ZNF813: variants seen among roughly 807,000 people sequenced by gnomAD.
ZNF813 encodes zinc finger protein 813.
In ZNF813, 3 loss-of-function variants were observed where a neutral mutation model predicts 7.2. That is an observed-to-expected ratio of 0.42 (90% CI 0.19 to 1.08). The LOEUF is 1.08. Among genes scored for constraint, ZNF813 ranks in the 50% least tolerant of loss-of-function variants. The probability of loss-of-function intolerance (pLI) is 0.30; values close to 1 mark genes in which losing one functional copy is unlikely to be tolerated. For synonymous variants in ZNF813, 227 were observed against 256.3 expected, an observed-to-expected ratio of 0.89 and a Z score of 1.09; for missense variants, 714 against 753.3, an observed-to-expected ratio of 0.95 and a Z score of 0.61.
intron 1 of ZNF813, among the ~76,000 whole-genome samples, chr19:53,476,218 G>A (rs2086381014): frequency 6.6e-6 from 1 of 152,130 alleles, no homozygotes; most frequent in Admixed American, 6.6e-5. Context: ...TGGGTTCCCC[G>A]ATAACAGTCC....
At chr19:53,479,729 G>A in intron 1 of ZNF813, 1 of 1,204,722 alleles carries the variant, frequency 8.3e-7, no homozygotes, top group Non-Finnish European at 1.2e-6. Context: ...GTATGAAGAG[G>A]TGGCTCGTAA....
rs1265454980 is a variant in ZNF813, at chr19:53,491,344, C to G, written c.1112C>G (p.Thr371Arg). The G allele has an allele frequency of 6.2e-7, 1 of 1,612,566 alleles. No individual in the cohort carries two copies. Among genetic ancestry groups the G allele is most frequent in the African/African-American group, 1.3e-5 (1 of 74,660 alleles). The change falls in exon 4 of 4, where the codon ACA becomes AGA. Residue 371 changes from threonine to arginine, a missense_variant. Thr to Arg is a moderately conservative substitution (Grantham distance 71). Transcript: ENST00000396403. ...GKTFSRKSSL[T>R]CHHRLHTGEK... ...ACCTTTAGTCGGAAGTCATCCCTTA[C>G]ATGCCATCATAGACTTCATACGGGA...
chr19:53,480,740 G>A (rs2086404183), intron 1 of ZNF813, among the ~76,000 whole-genome samples: 1 of 152,200 alleles, frequency 6.6e-6, no homozygotes. Context: ...ATCTTGAGCT[G>A]TGAGCTATTA....
At chr19:53,476,551 C>T (rs1332793673) in intron 1 of ZNF813, among the ~76,000 whole-genome samples, 1 of 151,612 alleles carries the variant, frequency 6.6e-6, no homozygotes, top group Non-Finnish European at 1.5e-5. Flanking sequence ...ATTGCTTGAA[C>T]CCGGGGGGCA....
chr19:53,491,573 G>A lies in ZNF813; in HGVS notation c.1341G>A (p.Thr447=), dbSNP rs754687923. 14 of 1,611,726 alleles carry A rather than the reference G, an allele frequency of 8.7e-6. No homozygotes were observed. Among genetic ancestry groups the A allele is most frequent in the South Asian group, 3.3e-5 (3 of 90,934 alleles). The part of the protein sequence containing the change: ...KPYKCTECVK[T]FSRNSALVIH... ...ACAAGTGTACTGAGTGTGTCAAGAC[G>A]TTCAGTCGAAATTCAGCCCTTGTAA... is the stretch of plus-strand genomic sequence containing the variant. Residue 447 remains threonine, a synonymous_variant, in exon 4 of 4, where the codon ACG becomes ACA. Transcript: ENST00000396403.
At chr19:53,476,953 C>T (rs764629857) in intron 1 of ZNF813, among the ~76,000 whole-genome samples, 9 of 152,104 alleles carry the variant, frequency 5.9e-5, no homozygotes, top group African/African-American at 1.4e-4. Flanking sequence ...TAAGCCACCG[C>T]GCCTGGCTGT....
intron 3 of ZNF813, among the ~76,000 whole-genome samples, chr19:53,487,904 A>G (rs2086441621): frequency 6.6e-6 from 1 of 151,962 alleles, no homozygotes; most frequent in African/African-American, 2.4e-5. Context: ...TCATCAACAT[A>G]TATGTATATT....
chr19:53,483,874 T>G, intron 2 of ZNF813, 37 bp downstream of exon 2: 1 of 1,613,928 alleles, frequency 6.2e-7, no homozygotes, highest in Non-Finnish European at 8.5e-7. Flanking sequence ...TCTGTCTCCT[T>G]CCCCTCAGAA....
Position 53,490,392 on chromosome 19 carries a change from A to C in ZNF813, c.160A>C (p.Met54Leu), listed in dbSNP as rs370790550. 8 of 1,613,942 alleles carry C rather than the reference A, an allele frequency of 5.0e-6. No homozygotes were observed. The highest frequency in any genetic ancestry group is 1.3e-5 in the African/African-American group (1 of 74,930). The change falls in exon 4 of 4, where the codon ATG becomes CTG. Residue 54 changes from methionine to leucine, a missense_variant. By Grantham distance (15) the Met-to-Leu change is conservative. Transcript: ENST00000396403. Reference protein sequence around the residue: ...LVSLDISSKCMMKEFSSTAQG... With the variant: ...LVSLDISSKCLMKEFSSTAQG... ...TTTTGTAGATATCTCTTCCAAATGC[A>C]TGATGAAGGAGTTCTCATCAACAGC...
At chr19:53,484,823 C>T (rs1281272406) in intron 2 of ZNF813, among the ~76,000 whole-genome samples, 1 of 152,254 alleles carries the variant, frequency 6.6e-6, no homozygotes, top group African/African-American at 2.4e-5. Flanking sequence ...ACCTCAGTCT[C>T]CCAGAGTGCT....
At chr19:53,486,230 G>C (rs1408603508) in intron 2 of ZNF813, among the ~76,000 whole-genome samples, 1 of 152,134 alleles carries the variant, frequency 6.6e-6, no homozygotes, top group African/African-American at 2.4e-5. Context: ...GGCTGAGGCA[G>C]GCAGATCACA....
At chr19:53,470,962 C>T (rs2708717) in intron 1 of ZNF813, among the ~76,000 whole-genome samples, 52,601 of 151,866 alleles carry the variant, frequency 0.35, 9,356 homozygotes, top group African/African-American at 0.42. Context: ...CTTTATGATG[C>T]GGTTAAGCAT....
intron 1 of ZNF813, among the ~76,000 whole-genome samples, chr19:53,470,667 G>A (rs13343482): frequency 2.3e-5 from 3 of 131,494 alleles, no homozygotes; most frequent in Non-Finnish European, 3.3e-5. Flanking sequence ...AAAACCAGCC[G>A]CTAAAGAGGG....
chr19:53,470,868 A>G (rs2086355273), intron 1 of ZNF813, among the ~76,000 whole-genome samples: 1 of 151,962 alleles, frequency 6.6e-6, no homozygotes, highest in Non-Finnish European at 1.5e-5. Context: ...GGTAGATGGC[A>G]TTTCTCATTT....
chr19:53,489,129 T>C (rs2086447649), intron 3 of ZNF813, among the ~76,000 whole-genome samples: 1 of 151,884 alleles, frequency 6.6e-6, no homozygotes, highest in African/African-American at 2.4e-5. Flanking sequence ...GCCTCAGCCT[T>C]CCCGAGTAGC....
At position 53,494,755 on chromosome 19, in the gene ZNF813, G is replaced by T. The variant is rs1369167561; in HGVS notation, c.*2669G>T. Reference sequence around the variant, plus strand: ...ATTTACAGTGAGACCAGATGCAGTGGCTCAGGCCTGTAATCCCAGCACTTT... The same window carrying T: ...ATTTACAGTGAGACCAGATGCAGTGTCTCAGGCCTGTAATCCCAGCACTTT... On this transcript the variant is annotated 3_prime_UTR_variant, in exon 4 of 4. Transcript: ENST00000396403. 1 of 152,268 alleles carries T rather than the reference G, an allele frequency of 6.6e-6. No homozygotes were observed. Among genetic ancestry groups the T allele is most frequent in the African/African-American group, 2.4e-5 (1 of 41,450 alleles). 9.4% of individuals were successfully genotyped at this position (152,268 alleles called of 1,614,324 possible). A position where few individuals can be genotyped will look rare whatever the true frequency, so the allele number is the denominator to read the frequency against.
In ZNF813 at chr19:53,491,833, G is replaced by A. The variant is rs776016640; in HGVS notation, c.1601G>A (p.Arg534Gln). The A allele has an allele frequency of 1.5e-5, 24 of 1,607,768 alleles. No individual in the cohort carries two copies. The highest frequency in any genetic ancestry group is 2.2e-5 in the South Asian group (2 of 90,646). Residue 534 changes from arginine (R) to glutamine (Q), a missense_variant, in exon 4 of 4, where the codon CGA (arginine) becomes CAA (glutamine). This residue lies in a region of ZNF813 where 122 missense variants were observed against 146.8 expected (regional missense o/e 0.83). Coordinates refer to ENST00000396403, the MANE Select transcript of ZNF813 (RefSeq NM_001004301.4). ...AATGAATGTGGCAAGGTTTTTAATC[G>A]AAAAACACACCTTGCACATCATCAT... ...KCNECGKVFN[R>Q]KTHLAHHHRL...
Position 53,492,178 on chromosome 19 carries a change from G to A in ZNF813, c.*92G>A. 1 of 1,511,300 alleles carries A rather than the reference G, an allele frequency of 6.6e-7. No homozygotes were observed. The highest frequency in any genetic ancestry group is 1.7e-4 in the Middle Eastern group (1 of 5,734). 93.6% of individuals were successfully genotyped at this position (1,511,300 alleles called of 1,614,324 possible). A position where few individuals can be genotyped will look rare whatever the true frequency, so the allele number is the denominator to read the frequency against. ...GACCTTCTGTCACAATTCAGTCCTTGTAATTCATAAGAATTCATACTGGAG... is the reference window on the plus strand; with the variant it reads ...GACCTTCTGTCACAATTCAGTCCTTATAATTCATAAGAATTCATACTGGAG... On this transcript the variant is annotated 3_prime_UTR_variant, in exon 4 of 4. Coordinates refer to ENST00000396403, the MANE Select transcript of ZNF813 (RefSeq NM_001004301.4).
chr19:53,490,311 C>T (rs749375986), intron 3 of ZNF813, 64 bp from the exon 4 acceptor site: 33 of 1,538,322 alleles, frequency 2.1e-5, no homozygotes, highest in Admixed American at 3.9e-5. Flanking sequence ...GTCACATTTA[C>T]ACATTTCAGT....
Sources: gnomAD v4.1 joint callset for allele counts (sites outside exome capture counted in the v4.1 genomes callset) on GRCh38, gnomAD v4.1.1 for gene constraint, gnomAD v4.1.1 regional missense constraint, MANE v1.5 for transcripts, NCBI Gene and HGNC (gene_info 2026-07-23, HGNC 2026-07-21) for gene names.